FRMD4A: variants seen among roughly 807,000 people sequenced by gnomAD.
The protein encoded by FRMD4A is FERM domain-containing protein 4A.
In FRMD4A, 29 loss-of-function variants were observed where a neutral mutation model predicts 129.1. The observed-to-expected ratio is 0.22, with a 90% CI of 0.17 to 0.31. The LOEUF (loss-of-function observed/expected upper bound fraction) is 0.31, where lower values mean the gene tolerates loss of function less well. FRMD4A is among the 10% of genes least tolerant of loss of function. The pLI is 1.00. For synonymous variants in FRMD4A, 634 were observed against 571.6 expected, an observed-to-expected ratio of 1.11 and a Z score of -1.56; for missense variants, 1,272 against 1,375.8, an observed-to-expected ratio of 0.92 and a Z score of 1.19.
chr10:13,799,309 C>T (rs548004534), intron 4 of FRMD4A, among the ~76,000 whole-genome samples: 10 of 152,172 alleles, frequency 6.6e-5, no homozygotes, highest in Non-Finnish European at 1.3e-4. Context: ...AGGCGCAGGC[C>T]GCCATGCCCA....
chr10:14,242,616 C>T (rs1844088365), intron 2 of FRMD4A, among the ~76,000 whole-genome samples: 1 of 152,152 alleles, frequency 6.6e-6, no homozygotes, highest in Non-Finnish European at 1.5e-5. Context: ...AACAAAATTA[C>T]AAAGTAAAAC....
intron 22 of FRMD4A, chr10:13,655,994 A>G (rs1305231419): frequency 1.3e-5 from 2 of 152,068 alleles, no homozygotes; most frequent in African/African-American, 4.8e-5. Context: ...GCTCTTGAGT[A>G]TGAGAATATA....
chr10:13,745,069 A>G (rs1810735707), intron 9 of FRMD4A, among the ~76,000 whole-genome samples: 1 of 152,250 alleles, frequency 6.6e-6, no homozygotes, highest in African/African-American at 2.4e-5. Context: ...GAAGACTTGT[A>G]ATGTTCCCAA....
At chr10:13,789,201 T>C (rs1299725806) in intron 5 of FRMD4A, among the ~76,000 whole-genome samples, 2 of 152,172 alleles carry the variant, frequency 1.3e-5, no homozygotes, top group Non-Finnish European at 2.9e-5. Context: ...ATATAGCAAG[T>C]TCTGGTTAGC....
chr10:13,873,187 A>C (rs112298264), intron 2 of FRMD4A, among the ~76,000 whole-genome samples: 2 of 112,992 alleles, frequency 1.8e-5, no homozygotes, highest in South Asian at 3.6e-4. Flanking sequence ...AAAAAAAATA[A>C]AATAAAATAA....
At chr10:13,679,282 G>A (rs971410459) in intron 15 of FRMD4A, among the ~76,000 whole-genome samples, 3 of 149,912 alleles carry the variant, frequency 2.0e-5, no homozygotes, top group Non-Finnish European at 4.4e-5. Context: ...AAAAAAATTA[G>A]CTGGGCATGG....
chr10:14,028,576 C>T (rs1833088036), intron 2 of FRMD4A, among the ~76,000 whole-genome samples: 1 of 152,178 alleles, frequency 6.6e-6, no homozygotes, highest in African/African-American at 2.4e-5. Flanking sequence ...ATATTAAAAA[C>T]ATTTTGTCCA....
In FRMD4A at chr10:14,173,386, C is replaced by T. The variant is rs142534707; in HGVS notation, c.45+156672G>A. Reference sequence around the variant, plus strand: ...GCTTAGAGTCTTCAGGAGACCAAAACCAGTTCCCCGTGAGCATTTCTAAAT... The same window carrying T: ...GCTTAGAGTCTTCAGGAGACCAAAATCAGTTCCCCGTGAGCATTTCTAAAT... On this transcript the variant is annotated intron_variant, in intron 2 of 24. Transcript: ENST00000357447. 2.4e-3 allele frequency among the ~76,000 whole-genome samples: 362 copies of T among 152,306 alleles called. 3 individuals carry two copies. Among genetic ancestry groups the T allele is most frequent in the African/African-American group, 7.6e-3 (314 of 41,564 alleles).
At chr10:14,019,764 C>T (rs1832648982) in intron 2 of FRMD4A, among the ~76,000 whole-genome samples, 1 of 152,196 alleles carries the variant, frequency 6.6e-6, no homozygotes, top group South Asian at 2.1e-4. Context: ...CATGCAATGT[C>T]AGTAGCAGAA....
At chr10:13,737,402 T>C (rs2090698976) in intron 12 of FRMD4A, among the ~76,000 whole-genome samples, 2 of 152,220 alleles carry the variant, frequency 1.3e-5, no homozygotes, top group African/African-American at 4.8e-5. Flanking sequence ...TCAGCTCTTT[T>C]TGACCTGCAA....
At chr10:13,790,950 G>C (rs2092987429) in intron 5 of FRMD4A, among the ~76,000 whole-genome samples, 1 of 152,114 alleles carries the variant, frequency 6.6e-6, no homozygotes, top group African/African-American at 2.4e-5. Flanking sequence ...AAAGGCTCGA[G>C]GGAGAAGCTC....
chr10:13,650,566 G>T (rs955818353), intron 24 of FRMD4A, among the ~76,000 whole-genome samples: 5 of 152,148 alleles, frequency 3.3e-5, no homozygotes, highest in African/African-American at 9.7e-5. Context: ...CATACCGGGG[G>T]AGAAAAAGGC....
At chr10:14,113,004 C>T (rs1387867699) in intron 2 of FRMD4A, among the ~76,000 whole-genome samples, 1 of 152,032 alleles carries the variant, frequency 6.6e-6, no homozygotes, top group African/African-American at 2.4e-5. Flanking sequence ...TCCTGAGCAG[C>T]CTGGAGGAGA....
At chr10:13,803,761 G>A (rs1032483819) in intron 4 of FRMD4A, among the ~76,000 whole-genome samples, 4 of 152,232 alleles carry the variant, frequency 2.6e-5, no homozygotes, top group Admixed American at 1.3e-4. Context: ...AAGAGCAGAT[G>A]CTAAATAAAT....
At chr10:14,237,546 G>C (rs1382778957) in intron 2 of FRMD4A, among the ~76,000 whole-genome samples, 1 of 152,082 alleles carries the variant, frequency 6.6e-6, no homozygotes, top group African/African-American at 2.4e-5. Context: ...GGCCAGGCTG[G>C]TCTCGAACTC....
At chr10:14,171,557 A>T (rs1183229644) in intron 2 of FRMD4A, among the ~76,000 whole-genome samples, 1 of 152,192 alleles carries the variant, frequency 6.6e-6, no homozygotes, top group Non-Finnish European at 1.5e-5. Flanking sequence ...CAACTGCCTT[A>T]ATTTCAATGC....
chr10:13,682,114 C>T (rs531826294), intron 15 of FRMD4A, among the ~76,000 whole-genome samples: 3 of 152,074 alleles, frequency 2.0e-5, no homozygotes, highest in South Asian at 2.1e-4. Flanking sequence ...GTCTCAGCTA[C>T]GCTGGAGGCT....
chr10:14,207,686 C>CCACACACACACACA (rs56740311), intron 2 of FRMD4A, among the ~76,000 whole-genome samples: 2 of 145,842 alleles, frequency 1.4e-5, no homozygotes, highest in Non-Finnish European at 3.0e-5. Flanking sequence ...TCCTAGGTAA[C>CCACACACACACACA]CACACACACA....
At chr10:13,864,823 C>G (rs534856253) in intron 2 of FRMD4A, among the ~76,000 whole-genome samples, 1 of 152,200 alleles carries the variant, frequency 6.6e-6, no homozygotes, top group South Asian at 2.1e-4. Context: ...GTGATCCACC[C>G]GCCTTGGCCT....
Sources: allele counts gnomAD v4.1 joint callset (sites outside exome capture counted in the v4.1 genomes callset), GRCh38; gene constraint gnomAD v4.1.1; transcripts MANE v1.5; gene names NCBI Gene and HGNC (gene_info 2026-07-23, HGNC 2026-07-21).